The following CD163L1 variants were observed in gnomAD, a reference collection of about 807,000 sequenced individuals.
CD163L1 encodes the protein CD163 molecule like 1, also known as scavenger receptor cysteine-rich type 1 protein M160.
In CD163L1, 124 loss-of-function variants were observed where a neutral mutation model predicts 165.4. The ratio of observed to expected loss-of-function variants is 0.75; its 90% confidence interval spans 0.65 to 0.87. The LOEUF (loss-of-function observed/expected upper bound fraction) is 0.87. Ranked by LOEUF, CD163L1 falls within the 40% of genes least tolerant of loss-of-function variation. The pLI, the probability that CD163L1 is intolerant of heterozygous loss-of-function variation, is 0.00. For synonymous variants in CD163L1, 585 were observed against 662.2 expected (o/e 0.88, Z 1.79); for missense variants, 1,525 against 1,799.9 (o/e 0.85, Z 2.76).
chr12:7,421,102 TATACATTTGGAAGA>T (rs1948362054), intron 4 of CD163L1, among the ~76,000 whole-genome samples: 4 of 122,360 alleles, frequency 3.3e-5, no homozygotes, highest in Non-Finnish European at 5.1e-5. Flanking sequence ...TATATGTATA[TATACATTTGGAAGA>T]AAATGTATAT....
At position 7,406,709 on chromosome 12, in the gene CD163L1, C is replaced by T; in HGVS notation, c.910G>A (p.Gly304Arg). The T allele has an allele frequency of 6.2e-7, 1 of 1,614,054 alleles. No homozygotes were observed. The highest frequency in any genetic ancestry group is 8.5e-7 in the Non-Finnish European group (1 of 1,179,970). Residue 304 changes from glycine (G) to arginine (R), a missense_variant, in exon 5 of 20, where the codon GGA becomes AGA. Physicochemically the swap from Gly to Arg is moderately radical, Grantham distance 125. Transcript: ENST00000313599. Reference sequence around the variant, plus strand: ...GCGAAGTGAAGTGCGGTTCCACATCCCAACTGCTTGCATACGACATCAGCT... The same window carrying T: ...GCGAAGTGAAGTGCGGTTCCACATCTCAACTGCTTGCATACGACATCAGCT... ...AAADVVCKQL[G>R]CGTALHFAGL...
rs898753328 is a variant in CD163L1, at chr12:7,432,254, G to A, written c.766+162C>T. ...TTGTTAGGAAGAGCAGTTTTAGGAA[G>A]AGTGTTTAGGAAAACTCCAGAATGG... On this transcript the variant is annotated intron_variant, in intron 4 of 19. Coordinates refer to ENST00000313599, the MANE Select transcript of CD163L1 (RefSeq NM_174941.6). This position sits in a 1 kb window ranked among gnomAD's most constrained non-coding sequence, Gnocchi z 4.2. 6.6e-6 allele frequency among the ~76,000 whole-genome samples: 1 copy of A among 152,208 alleles called. No homozygotes were observed. Among genetic ancestry groups the A allele is most frequent in the African/African-American group, 2.4e-5 (1 of 41,442 alleles).
chr12:7,375,161 A>C (rs1049208155), intron 11 of CD163L1, 120 bp downstream of exon 11: 1 of 995,424 alleles, frequency 1.0e-6, no homozygotes, highest in African/African-American at 1.6e-5. Context: ...TTTGACTGTC[A>C]TGCCTATCCC....
At chr12:7,443,998 A>G in intron 1 of CD163L1, 99 bp downstream of exon 1, 1 of 1,163,554 alleles carries the variant, frequency 8.6e-7, no homozygotes, top group Non-Finnish European at 1.2e-6. Context: ...TTTTCTTTTT[A>G]CCTTACTACA....
rs1565808863 is a variant in CD163L1, at chr12:7,421,063, ATG to A, written c.766+11351_766+11352del. ...TGTATATATATGTATATACGTATATATGTATATATACGTATATATATACGTAT... is the reference window on the plus strand; with the variant it reads ...TGTATATATATGTATATACGTATATATATATATACGTATATATATACGTAT... On this transcript the variant is annotated intron_variant, in intron 4 of 19. Coordinates refer to ENST00000313599, the MANE Select transcript of CD163L1 (RefSeq NM_174941.6). Among the ~76,000 whole-genome samples the A allele has an allele frequency of 5.7e-4, 59 of 103,820 alleles. 1 individual carries two copies. Among genetic ancestry groups the A allele is most frequent in the Admixed American group, 1.5e-3 (11 of 7,548 alleles). The allele number at this position is 103,820 out of a possible 152,430, so 68.1% of individuals were successfully genotyped here. A position where few individuals can be genotyped will look rare whatever the true frequency, so the allele number is the denominator to read the frequency against.
chr12:7,440,559 T>G (rs1948817204), intron 2 of CD163L1, among the ~76,000 whole-genome samples: 2 of 152,074 alleles, frequency 1.3e-5, no homozygotes, highest in Admixed American at 6.5e-5. Context: ...ATTTTTCTAT[T>G]TGCAAAAATA....
intron 4 of CD163L1, among the ~76,000 whole-genome samples, chr12:7,425,515 T>C (rs960481036): frequency 6.6e-6 from 1 of 151,904 alleles, no homozygotes. Context: ...GGTTCTGCTC[T>C]GCAAAAGAAG....
In CD163L1 at chr12:7,379,290, C is replaced by T. The variant is rs1331428888; in HGVS notation, c.2059G>A (p.Asp687Asn). 1 of 1,613,636 alleles carries T rather than the reference C, an allele frequency of 6.2e-7. No homozygotes were observed. The highest frequency in any genetic ancestry group is 8.5e-7 in the Non-Finnish European group (1 of 1,179,736). The change falls in exon 9 of 20, where the codon GAT becomes AAT. Residue 687 changes from aspartate to asparagine, a missense_variant. Asp to Asn is a conservative substitution (Grantham distance 23). Coordinates refer to ENST00000313599, the MANE Select transcript of CD163L1 (RefSeq NM_174941.6). ...CCACCCACAAGCCTCAGCTCCATAT[C>T]CGATGCATCTGAAACCAAATACCAC... is the stretch of plus-strand genomic sequence containing the variant. Reference protein sequence around the residue: ...DVGVICSDASDMELRLVGGSS... With the variant: ...DVGVICSDASNMELRLVGGSS...
chr12:7,405,570 C>T (rs1215474808), intron 5 of CD163L1, among the ~76,000 whole-genome samples: 1 of 152,150 alleles, frequency 6.6e-6, no homozygotes, highest in Non-Finnish European at 1.5e-5. Context: ...TAAGGTACAG[C>T]TAAACCCATA....
At chr12:7,324,731 A>G in the CD163L1 span, 1 of 942,298 alleles carries the variant, frequency 1.1e-6, no homozygotes, top group Non-Finnish European at 1.6e-6. Flanking sequence ...GCCAAAATAT[A>G]AATCAGGCAA....
intron 1 of CD163L1, 134 bp downstream of exon 1, chr12:7,443,963 A>G: frequency 1.2e-6 from 1 of 847,926 alleles, no homozygotes; most frequent in Non-Finnish European, 1.7e-6. Context: ...AAAACTTTCA[A>G]TTTTTTTATA....
At position 7,433,653 on chromosome 12, in the gene CD163L1, G is replaced by A; in HGVS notation, c.166C>T (p.Pro56Ser). The A allele has an allele frequency of 6.2e-7, 1 of 1,613,908 alleles. No individual in the cohort carries two copies. The highest frequency in any genetic ancestry group is 8.5e-7 in the Non-Finnish European group (1 of 1,179,916). ...TTCACCTCCACTGTCCCAGAGCAGG[G>A]ACCGTCTCCATTGACCAGCCTCAAC... is the stretch of plus-strand genomic sequence containing the variant. ...LELRLVNGDGPCSGTVEVKFQ... is the reference protein window; with the variant it reads ...LELRLVNGDGSCSGTVEVKFQ... The change falls in exon 3 of 20, where the codon CCC (proline) becomes TCC (serine). Residue 56 changes from proline to serine, a missense_variant. Pro to Ser is a moderately conservative substitution (Grantham distance 74). Transcript: ENST00000313599.
At chr12:7,349,081 A>C (rs1226352699) in intron 4 of CD163L1, among the ~76,000 whole-genome samples, 1 of 152,180 alleles carries the variant, frequency 6.6e-6, no homozygotes, top group Non-Finnish European at 1.5e-5. Context: ...TGAGTTGAGA[A>C]ATTGTGGAGA....
At chr12:7,323,204 A>G in the CD163L1 span, 5 of 1,559,556 alleles carry the variant, frequency 3.2e-6, no homozygotes, top group Middle Eastern at 1.7e-4. Flanking sequence ...AAACTTTTGT[A>G]TACTTATACA....
chr12:7,323,799 G>T, the CD163L1 span, among the ~76,000 whole-genome samples: 1 of 152,124 alleles, frequency 6.6e-6, no homozygotes, highest in Admixed American at 6.6e-5. Flanking sequence ...GGTGCAGTTG[G>T]GGGGTGCTAG....
chr12:7,374,314 A>T lies in CD163L1; in HGVS notation c.3409+128T>A. ...GAAATCAGTATAAGAGAATAGGATT[A>T]AAACCAAGTGGATTTTTTGTTTGTA... On this transcript the variant is annotated intron_variant, in intron 13 of 19. Transcript: ENST00000313599. This position sits in a 1 kb window ranked among gnomAD's most constrained non-coding sequence, Gnocchi z 5.4. The T allele has an allele frequency of 1.1e-6, 1 of 947,252 alleles. No homozygotes were observed. The highest frequency in any genetic ancestry group is 1.6e-6 in the Non-Finnish European group (1 of 638,674). 58.7% of individuals were successfully genotyped at this position (947,252 alleles called of 1,614,324 possible). A position where few individuals can be genotyped will look rare whatever the true frequency, so the allele number is the denominator to read the frequency against.
At chr12:7,361,293 T>C (rs1182296401) in intron 18 of CD163L1, among the ~76,000 whole-genome samples, 1 of 152,198 alleles carries the variant, frequency 6.6e-6, no homozygotes, top group African/African-American at 2.4e-5. Context: ...ATTTCCTCTA[T>C]GTTCTCTAGC....
In CD163L1 at chr12:7,369,315, T is replaced by C; in HGVS notation, c.4039+42A>G. 1 of 1,580,714 alleles carries C rather than the reference T, an allele frequency of 6.3e-7. No homozygotes were observed. Among genetic ancestry groups the C allele is most frequent in the East Asian group, 2.2e-5 (1 of 44,672 alleles). ...GCCTGTTTCCCAGTGTTCTCTACCA[T>C]TAGTGGGAGGCTCAGTTTAAGTGCA... On this transcript the variant is annotated intron_variant, in intron 15 of 19. Transcript: ENST00000313599. This position sits in a 1 kb window ranked among gnomAD's most constrained non-coding sequence, Gnocchi z 4.9.
rs779416105 is a variant in CD163L1 at position 7,403,685 on chromosome 12, G to A, written c.1258C>T (p.Arg420Cys). 4.0e-5 allele frequency: 64 copies of A among 1,613,928 alleles called. No individual in the cohort carries two copies. Among genetic ancestry groups the A allele is most frequent in the East Asian group, 1.3e-4 (6 of 44,892 alleles). The change falls in exon 6 of 20, where the codon CGT becomes TGT. Residue 420 changes from arginine to cysteine, a missense_variant. Coordinates refer to ENST00000313599, the MANE Select transcript of CD163L1 (RefSeq NM_174941.6). ...LGCPFSVFGS[R>C]RAKPSNEARD... ...GCTTCATTACTAGGTTTAGCACGAC[G>A]ACTGCCAAAGACGCTGAACGGACAT...
Sources: gnomAD v4.1 joint callset for allele counts (sites outside exome capture counted in the v4.1 genomes callset) on GRCh38, gnomAD v4.1.1 for gene constraint, Gnocchi (gnomAD v3.1) non-coding constraint, MANE v1.5 for transcripts, NCBI Gene and HGNC (gene_info 2026-07-23, HGNC 2026-07-21) for gene names.